Variants in CSMD1 observed in about 807,000 individuals in gnomAD.
CSMD1 encodes the protein CUB and sushi domain-containing protein 1.
Under a neutral mutation model 417.5 loss-of-function variants are expected in CSMD1, and 213 were observed. The observed-to-expected ratio is 0.51, with a 90% CI of 0.46 to 0.57. The LOEUF is 0.57. Ranked by LOEUF, CSMD1 falls within the 20% of genes least tolerant of loss-of-function variation. CSMD1 has a pLI of 0.00. For synonymous variants in CSMD1, 2,862 were observed against 1,736.8 expected, an observed-to-expected ratio of 1.65 and a Z score of -16.11; for missense variants, 6,923 against 4,529.7, an observed-to-expected ratio of 1.53 and a Z score of -15.17.
At chr8:4,915,890 G>T (rs926842515) in intron 1 of CSMD1, among the ~76,000 whole-genome samples, 1 of 152,200 alleles carries the variant, frequency 6.6e-6, no homozygotes, top group Non-Finnish European at 1.5e-5. Flanking sequence ...CAAGCCATAA[G>T]TGCCAGGCAG....
chr8:3,755,199 T>A (rs1797590309), intron 5 of CSMD1, among the ~76,000 whole-genome samples: 1 of 152,198 alleles, frequency 6.6e-6, no homozygotes, highest in African/African-American at 2.4e-5. Flanking sequence ...ATCACTGGAT[T>A]AGGATGCTTC....
intron 12 of CSMD1, among the ~76,000 whole-genome samples, chr8:3,414,881 C>T (rs923601510): frequency 2.0e-5 from 3 of 152,072 alleles, no homozygotes; most frequent in East Asian, 1.9e-4. Flanking sequence ...TGCGCTTGCT[C>T]GGGGATGGCC....
intron 2 of CSMD1, among the ~76,000 whole-genome samples, chr8:4,560,392 C>G (rs561006276): frequency 6.6e-6 from 1 of 152,158 alleles, no homozygotes; most frequent in Admixed American, 6.5e-5. Flanking sequence ...TGTTCCTAGT[C>G]CTTGCCTTTT....
chr8:4,903,887 C>G (rs1343445311), intron 1 of CSMD1, among the ~76,000 whole-genome samples: 2 of 152,140 alleles, frequency 1.3e-5, no homozygotes, highest in Admixed American at 1.3e-4. Flanking sequence ...GCCTTCAACG[C>G]CGATAATGCA....
intron 2 of CSMD1, among the ~76,000 whole-genome samples, chr8:4,536,822 A>G (rs923388562): frequency 6.6e-6 from 1 of 152,188 alleles, no homozygotes; most frequent in African/African-American, 2.4e-5. Flanking sequence ...ATGCGGCCAA[A>G]TTTCCTTTCA....
At chr8:3,050,995 G>A (rs1304175257) in intron 50 of CSMD1, among the ~76,000 whole-genome samples, 2 of 152,184 alleles carry the variant, frequency 1.3e-5, no homozygotes, top group African/African-American at 4.8e-5. Context: ...GCATGCTGCT[G>A]GTGGGAGTGT....
rs545291778 is a variant in CSMD1, at chr8:4,512,671, T to C, written c.303-92606A>G. Among the ~76,000 whole-genome samples, 3 of 152,184 alleles carry C rather than the reference T, an allele frequency of 2.0e-5. No homozygotes were observed. The East Asian group carries it at 5.8e-4, about 29-fold the overall frequency. ...ATGAAATGGAATTCAAAATTAAATA[T>C]AATAATACCATTTACATTAGCATAC... On this transcript the variant is annotated intron_variant, in intron 2 of 69. Coordinates refer to ENST00000635120, the MANE Select transcript of CSMD1 (RefSeq NM_033225.6).
intron 3 of CSMD1, among the ~76,000 whole-genome samples, chr8:4,085,684 C>T (rs181121437): frequency 1.5e-4 from 23 of 152,208 alleles, no homozygotes; most frequent in African/African-American, 5.3e-4. Flanking sequence ...CAGGATAATG[C>T]TCTAATATGA....
chr8:4,350,649 T>C (rs1801038861), intron 3 of CSMD1, among the ~76,000 whole-genome samples: 1 of 152,228 alleles, frequency 6.6e-6, no homozygotes, highest in South Asian at 2.1e-4. Flanking sequence ...GCGAGTTGAC[T>C]CATGAAATTT....
At chr8:3,095,217 G>A (rs936376336) in intron 47 of CSMD1, among the ~76,000 whole-genome samples, 2 of 152,012 alleles carry the variant, frequency 1.3e-5, no homozygotes, top group Non-Finnish European at 2.9e-5. Context: ...TCCTTTGTAG[G>A]GATATATATG....
At chr8:3,197,259 G>T (rs1286398037) in intron 33 of CSMD1, among the ~76,000 whole-genome samples, 2 of 151,998 alleles carry the variant, frequency 1.3e-5, no homozygotes, top group Non-Finnish European at 2.9e-5. Context: ...GCACACTGAT[G>T]CTGTTGCAAA....
chr8:4,111,106 C>G (rs1016107575), intron 3 of CSMD1, among the ~76,000 whole-genome samples: 1 of 152,086 alleles, frequency 6.6e-6, no homozygotes, highest in African/African-American at 2.4e-5. Flanking sequence ...AGGATTCCTT[C>G]TACAAAGTTT....
chr8:4,348,324 G>C (rs887520532), intron 3 of CSMD1, among the ~76,000 whole-genome samples: 3 of 152,034 alleles, frequency 2.0e-5, no homozygotes, highest in Non-Finnish European at 4.4e-5. Flanking sequence ...GTAAGAGTGT[G>C]AGGCCACAGC....
intron 52 of CSMD1, among the ~76,000 whole-genome samples, chr8:3,007,758 C>A (rs1413970414): frequency 8.1e-6 from 1 of 122,796 alleles, no homozygotes; most frequent in African/African-American, 3.1e-5. Flanking sequence ...ACATCACACT[C>A]TGGGGACCGC....
chr8:4,806,085 T>G (rs1000094167), intron 1 of CSMD1, among the ~76,000 whole-genome samples: 1 of 152,104 alleles, frequency 6.6e-6, no homozygotes, highest in Non-Finnish European at 1.5e-5. Context: ...AGACCCACAA[T>G]CTCTAATTTT....
chr8:3,719,443 T>C (rs1475723247), intron 6 of CSMD1, among the ~76,000 whole-genome samples: 1 of 152,284 alleles, frequency 6.6e-6, no homozygotes, highest in Admixed American at 6.5e-5. Flanking sequence ...AGGCACATAA[T>C]GCAGAATCTC....
intron 1 of CSMD1, among the ~76,000 whole-genome samples, chr8:4,722,577 T>C (rs941851214): frequency 6.6e-6 from 1 of 152,142 alleles, no homozygotes; most frequent in African/African-American, 2.4e-5. Flanking sequence ...GTTAGGAATG[T>C]CTGTGTTCCT....
chr8:4,921,453 A>G (rs529554303), intron 1 of CSMD1, among the ~76,000 whole-genome samples: 35 of 152,344 alleles, frequency 2.3e-4, no homozygotes, highest in African/African-American at 8.2e-4. Context: ...AAAGATAAGA[A>G]TGTCTTTATA....
At chr8:4,256,087 G>T (rs946947409) in intron 3 of CSMD1, among the ~76,000 whole-genome samples, 30 of 152,208 alleles carry the variant, frequency 2.0e-4, no homozygotes, top group Non-Finnish European at 4.0e-4. Flanking sequence ...GCAAACGTAG[G>T]TGAATCCCAG....
Sources: gnomAD v4.1 joint callset for allele counts (sites outside exome capture counted in the v4.1 genomes callset) on GRCh38, gnomAD v4.1.1 for gene constraint, MANE v1.5 for transcripts, NCBI Gene and HGNC (gene_info 2026-07-23, HGNC 2026-07-21) for gene names.